PPP2R3B: variants seen among roughly 807,000 people sequenced by gnomAD.
PPP2R3B encodes the protein protein phosphatase 2 regulatory subunit B''beta, also known as serine/threonine-protein phosphatase 2A regulatory subunit B'' subunit beta.
In PPP2R3B, 68 loss-of-function variants were observed where a neutral mutation model predicts 72.9. The observed-to-expected ratio is 0.93, with a 90% CI of 0.77 to 1.14. The LOEUF is 1.14. PPP2R3B is among the 50% of genes most tolerant of loss of function. The pLI, the probability that PPP2R3B is intolerant of heterozygous loss-of-function variation, is 0.00. For missense variants in PPP2R3B, 1,018 were observed against 842.0 expected, an observed-to-expected ratio of 1.21 and a Z score of -2.59; for synonymous variants, 466 against 375.8, an observed-to-expected ratio of 1.24 and a Z score of -2.78.
intron 1 of PPP2R3B, among the ~76,000 whole-genome samples, chrX:382,193 T>C (rs922050865): frequency 7.1e-6 from 1 of 140,784 alleles, no homozygotes; most frequent in Non-Finnish European, 1.5e-5. Flanking sequence ...CATCTTTTTT[T>C]TTCTTTTTTT....
At chrX:343,056 T>G (rs1366368779) in intron 7 of PPP2R3B, among the ~76,000 whole-genome samples, 26 of 11,136 alleles carry the variant, frequency 2.3e-3, no homozygotes, top group African/African-American at 4.7e-3. Context: ...GAGGCGGGAG[T>G]GAGACCTCGC....
chrX:361,085 C>T lies in PPP2R3B; in HGVS notation c.510+320G>A, dbSNP rs372108669. ...CCACGAGAGCTGGCGCCACTGGCCC[C>T]GGAGGGGAGAGAAGGGGAGGGTGGC... On this transcript the variant is annotated intron_variant, in intron 2 of 12. Transcript: ENST00000390665. Among the ~76,000 whole-genome samples, 150 of 152,266 alleles carry T rather than the reference C, an allele frequency of 9.9e-4. 1 individual carries two copies. Among genetic ancestry groups the T allele is most frequent in the East Asian group, 1.4e-3 (7 of 5,168 alleles).
intron 1 of PPP2R3B, 113 bp downstream of exon 1, chrX:386,255 T>C: frequency 1.1e-5 from 10 of 891,496 alleles, no homozygotes; most frequent in Non-Finnish European, 1.5e-5. Context: ...AGACTCAATA[T>C]GAAACCGTTT....
intron 8 of PPP2R3B, chrX:341,677 C>T: frequency 1.5e-6 from 1 of 682,604 alleles, no homozygotes; most frequent in Non-Finnish European, 2.6e-6. Context: ...GGGCCACCCC[C>T]TTCCTCAGAC....
chrX:342,021 A>G, intron 7 of PPP2R3B, 90 bp from the exon 8 acceptor site: 7 of 1,515,752 alleles, frequency 4.6e-6, no homozygotes, highest in Non-Finnish European at 6.4e-6. Flanking sequence ...TGCGGTGGGG[A>G]CCGAAAAGCT....
intron 1 of PPP2R3B, among the ~76,000 whole-genome samples, chrX:374,354 G>A (rs1177323823): frequency 2.0e-5 from 3 of 152,202 alleles, no homozygotes; most frequent in Non-Finnish European, 4.4e-5. Flanking sequence ...CAGACATCCC[G>A]GCAGCCCGGC....
chrX:382,508 C>T (rs963815561), intron 1 of PPP2R3B, among the ~76,000 whole-genome samples: 3 of 151,880 alleles, frequency 2.0e-5, no homozygotes, highest in African/African-American at 7.3e-5. Flanking sequence ...TCATTTTCAC[C>T]GCCTCCCTTG....
chrX:353,611 C>T (rs2071373329), intron 2 of PPP2R3B, among the ~76,000 whole-genome samples: 1 of 152,266 alleles, frequency 6.6e-6, no homozygotes, highest in Non-Finnish European at 1.5e-5. Flanking sequence ...TAAACCAGAC[C>T]AAGCTATCAC....
Position 340,743 on chromosome X carries a change from CCATGCCCTCACGGGG to C in PPP2R3B, c.1351+7_1351+21del, listed in dbSNP as rs1416902071. On this transcript the variant is annotated splice_region_variant and intron_variant, in intron 10 of 12. Coordinates refer to ENST00000390665, the MANE Select transcript of PPP2R3B (RefSeq NM_013239.5). ...CGCCCGTCCGTCCCCTCACCCTGGG[CCATGCCCTCACGGGG>C]CATCACCTTCAGTCCTCGGCTTGAC... is the stretch of plus-strand genomic sequence containing the variant. 6.2e-7 allele frequency: 1 copy of C among 1,605,946 alleles called. No individual in the cohort carries two copies. Among genetic ancestry groups the C allele is most frequent in the Non-Finnish European group, 8.5e-7 (1 of 1,175,888 alleles).
intron 1 of PPP2R3B, among the ~76,000 whole-genome samples, chrX:378,434 G>A (rs960976544): frequency 1.3e-5 from 2 of 152,192 alleles, no homozygotes; most frequent in African/African-American, 4.8e-5. Flanking sequence ...AGATTTGAAA[G>A]GCTTACGAAG....
chrX:346,439 C>G, intron 5 of PPP2R3B, 179 bp from the exon 6 acceptor site: 2 of 660,214 alleles, frequency 3.0e-6, no homozygotes, highest in Non-Finnish European at 5.0e-6. Flanking sequence ...CCGCGGAAAG[C>G]GGGGAGGGTC....
chrX:364,770 C>T (rs1603101522), intron 1 of PPP2R3B, among the ~76,000 whole-genome samples: 1 of 79,830 alleles, frequency 1.3e-5, no homozygotes, highest in Non-Finnish European at 2.2e-5. Context: ...GTACTCCCAG[C>T]TACTCGGGAG....
intron 5 of PPP2R3B, 101 bp downstream of exon 5, chrX:346,600 C>T (rs1282260252): frequency 8.5e-7 from 1 of 1,170,832 alleles, no homozygotes; most frequent in Non-Finnish European, 1.2e-6. Context: ...GCTCAGGAAC[C>T]CCGGGCCCCG....
intron 1 of PPP2R3B, chrX:373,898 G>A (rs1454416144): frequency 6.5e-6 from 1 of 153,384 alleles, no homozygotes; most frequent in Non-Finnish European, 1.4e-5. Context: ...AGACCCGGCT[G>A]CTCCCGGCGC....
intron 6 of PPP2R3B, 72 bp from the exon 7 acceptor site, chrX:345,744 G>A (rs768554796): frequency 2.7e-5 from 42 of 1,569,180 alleles, no homozygotes; most frequent in Middle Eastern, 3.8e-4. Context: ...GGCTGCGGGC[G>A]GGGCAGGGAA....
intron 2 of PPP2R3B, among the ~76,000 whole-genome samples, chrX:350,928 G>A (rs1220968641): frequency 6.6e-5 from 10 of 152,140 alleles, no homozygotes; most frequent in African/African-American, 2.4e-4. Flanking sequence ...TGCCCCAGGC[G>A]AGAGGAGCCG....
intron 1 of PPP2R3B, among the ~76,000 whole-genome samples, chrX:372,460 G>A (rs1444001369): frequency 6.6e-6 from 1 of 152,200 alleles, no homozygotes; most frequent in Admixed American, 6.5e-5. Flanking sequence ...TGGGTGTGAG[G>A]CGCCCGCCAC....
At chrX:363,518 G>A (rs1312209352) in intron 1 of PPP2R3B, among the ~76,000 whole-genome samples, 9 of 99,556 alleles carry the variant, frequency 9.0e-5, no homozygotes, top group East Asian at 8.7e-4. Context: ...CCGAGCCCGC[G>A]ATCCCGCAGT....
chrX:335,507 C>A (rs2070865174), intron 12 of PPP2R3B: 1 of 152,200 alleles, frequency 6.6e-6, no homozygotes, highest in Non-Finnish European at 1.5e-5. Context: ...GACGGGGCGG[C>A]TGATGGGGGA....
Sources: allele counts gnomAD v4.1 joint callset (sites outside exome capture counted in the v4.1 genomes callset), GRCh38; gene constraint gnomAD v4.1.1; transcripts MANE v1.5; gene names NCBI Gene and HGNC (gene_info 2026-07-23, HGNC 2026-07-21).